LINGO2: variants seen among roughly 807,000 people sequenced by gnomAD.
The protein encoded by LINGO2 is leucine rich repeat and Ig domain containing 2, also known as leucine-rich repeat and immunoglobulin-like domain-containing nogo receptor-interacting protein 2.
LINGO2 carries 14 observed loss-of-function variants against 30.6 expected under a neutral mutation model. The ratio of observed to expected loss-of-function variants is 0.46; its 90% CI spans 0.30 to 0.72. The LOEUF is 0.72. Among genes scored for constraint, LINGO2 ranks in the 30% least tolerant of loss-of-function variants. The pLI, the probability that LINGO2 is intolerant of heterozygous loss-of-function variation, is 0.07. For missense variants in LINGO2, 729 were observed against 751.7 expected, an observed-to-expected ratio of 0.97 and a Z score of 0.35; for synonymous variants, 317 against 288.5, an observed-to-expected ratio of 1.10 and a Z score of -1.00.
chr9:28,065,244 C>T (rs547503772), intron 4 of LINGO2, among the ~76,000 whole-genome samples: 23 of 151,414 alleles, frequency 1.5e-4, no homozygotes, highest in African/African-American at 5.6e-4. Context: ...ATTTTTATAA[C>T]CACATTTTTG....
At chr9:28,992,204 G>A in the LINGO2 span, among the ~76,000 whole-genome samples, 8 of 151,654 alleles carry the variant, frequency 5.3e-5, no homozygotes, top group Non-Finnish European at 1.0e-4. Flanking sequence ...AAAAAAGGCA[G>A]GGGTTGCAAT....
intron 4 of LINGO2, among the ~76,000 whole-genome samples, chr9:28,163,268 C>T (rs1587117040): frequency 6.6e-6 from 1 of 152,052 alleles, no homozygotes; most frequent in East Asian, 1.9e-4. Flanking sequence ...TCAATCGAAT[C>T]TGCAGTAAAA....
chr9:28,845,965 G>C, the LINGO2 span, among the ~76,000 whole-genome samples: 35 of 150,332 alleles, frequency 2.3e-4, no homozygotes, highest in African/African-American at 8.2e-4. Flanking sequence ...ATGACGTTTA[G>C]AGTTATAATG....
the LINGO2 span, among the ~76,000 whole-genome samples, chr9:28,832,593 T>C: frequency 6.6e-6 from 1 of 152,154 alleles, no homozygotes; most frequent in Non-Finnish European, 1.5e-5. Flanking sequence ...CAGTGGCTCA[T>C]GTCCTGCAAA....
intron 3 of LINGO2, among the ~76,000 whole-genome samples, chr9:28,318,000 A>G (rs1197568919): frequency 2.0e-5 from 3 of 152,202 alleles, no homozygotes; most frequent in South Asian, 4.1e-4. Flanking sequence ...TCAAAAGACT[A>G]TCAGCAAGGA....
At chr9:28,099,399 T>C (rs1451911970) in intron 4 of LINGO2, among the ~76,000 whole-genome samples, 1 of 152,212 alleles carries the variant, frequency 6.6e-6, no homozygotes, top group Non-Finnish European at 1.5e-5. Context: ...TATACCCTAA[T>C]GTTTGTTCCA....
chr9:28,408,402 G>A (rs1822599398), intron 2 of LINGO2, among the ~76,000 whole-genome samples: 1 of 152,024 alleles, frequency 6.6e-6, no homozygotes, highest in South Asian at 2.1e-4. Flanking sequence ...GCCTCCAGAG[G>A]ATTATGCTTT....
At chr9:28,530,834 T>C (rs190816359) in intron 1 of LINGO2, among the ~76,000 whole-genome samples, 84 of 152,096 alleles carry the variant, frequency 5.5e-4, no homozygotes, top group Admixed American at 3.3e-3. Context: ...GTGTACTGTA[T>C]TGAATATTAA....
intron 2 of LINGO2, among the ~76,000 whole-genome samples, chr9:28,455,108 T>G (rs1056652938): frequency 6.6e-6 from 1 of 152,026 alleles, no homozygotes; most frequent in Non-Finnish European, 1.5e-5. Flanking sequence ...TTAAATAAAA[T>G]TTCCCTTCTG....
At chr9:29,000,136 T>C in the LINGO2 span, among the ~76,000 whole-genome samples, 2 of 151,994 alleles carry the variant, frequency 1.3e-5, no homozygotes, top group Admixed American at 6.6e-5. Flanking sequence ...TTCAATCATG[T>C]ATATGTCTAA....
At chr9:28,473,741 T>G (rs1825620800) in intron 2 of LINGO2, among the ~76,000 whole-genome samples, 1 of 152,124 alleles carries the variant, frequency 6.6e-6, no homozygotes, top group Non-Finnish European at 1.5e-5. Flanking sequence ...GCCATAGGTT[T>G]TCTTTACTTT....
chr9:28,743,173 TTTTATTTA>T, the LINGO2 span, among the ~76,000 whole-genome samples: 1 of 152,096 alleles, frequency 6.6e-6, no homozygotes, highest in Non-Finnish European at 1.5e-5. Flanking sequence ...ATTTTTATTA[TTTTATTTA>T]TTTATTTATC....
intron 2 of LINGO2, among the ~76,000 whole-genome samples, chr9:28,408,191 A>T (rs755597523): frequency 1.3e-5 from 2 of 152,164 alleles, no homozygotes; most frequent in African/African-American, 2.4e-5. Context: ...TACATCATTT[A>T]TCTCCTTTAA....
At chr9:28,254,340 T>C (rs1822308516) in intron 4 of LINGO2, among the ~76,000 whole-genome samples, 1 of 152,142 alleles carries the variant, frequency 6.6e-6, no homozygotes, top group Non-Finnish European at 1.5e-5. Flanking sequence ...AATGAAATGG[T>C]ATTAAAATGG....
At chr9:29,042,193 C>T in the LINGO2 span, among the ~76,000 whole-genome samples, 1 of 151,912 alleles carries the variant, frequency 6.6e-6, no homozygotes, top group Admixed American at 6.6e-5. Flanking sequence ...TCATGCACTG[C>T]TGATGTGAAT....
chr9:28,927,566 G>A, the LINGO2 span, among the ~76,000 whole-genome samples: 6 of 152,134 alleles, frequency 3.9e-5, 1 homozygote, highest in Middle Eastern at 0.014. Flanking sequence ...TGAAAAATAG[G>A]GAAATAAATT....
chr9:28,480,700 G>T (rs1825925405), intron 1 of LINGO2, among the ~76,000 whole-genome samples: 1 of 152,030 alleles, frequency 6.6e-6, no homozygotes, highest in Non-Finnish European at 1.5e-5. Flanking sequence ...TTCTTGTGCA[G>T]TCTACTCCTA....
At chr9:28,779,368 G>C in the LINGO2 span, among the ~76,000 whole-genome samples, 2 of 152,056 alleles carry the variant, frequency 1.3e-5, no homozygotes, top group African/African-American at 4.8e-5. Flanking sequence ...GGTATGGCAG[G>C]TCAACAATCC....
Position 28,385,025 on chromosome 9 carries a change from T to C in LINGO2, c.-278-12157A>G, listed in dbSNP as rs116916761. ...TCCTATTCATTCTCCTTTCATTCAA[T>C]TAATATTTACTAAATGTCTACTATT... On this transcript the variant is annotated intron_variant, in intron 2 of 5. Coordinates refer to ENST00000379992, the Ensembl canonical transcript of LINGO2. 4.1e-3 allele frequency among the ~76,000 whole-genome samples: 620 copies of C among 152,264 alleles called. 7 individuals are homozygous for C. The highest frequency in any genetic ancestry group is 5.0e-3 in the Non-Finnish European group (342 of 68,010).
Sources: gnomAD v4.1 joint callset for allele counts (sites outside exome capture counted in the v4.1 genomes callset) on GRCh38, gnomAD v4.1.1 for gene constraint, MANE v1.5 for transcripts, NCBI Gene and HGNC (gene_info 2026-07-23, HGNC 2026-07-21) for gene names.